The following PRELID2 variants were observed in gnomAD, a reference collection of about 807,000 sequenced individuals.
The protein encoded by PRELID2 is PRELI domain containing 2, also known as PRELI domain-containing protein 2.
In PRELID2, 25 loss-of-function variants were observed where a neutral mutation model predicts 28.4. The observed-to-expected ratio is 0.88, with a 90% CI of 0.64 to 1.23. The LOEUF (loss-of-function observed/expected upper bound fraction) is 1.23, where lower values mean the gene tolerates loss of function less well. Among genes scored for constraint, PRELID2 ranks in the 50% most tolerant of loss-of-function variants. PRELID2 has a pLI of 0.00. For synonymous variants in PRELID2, 76 were observed against 71.6 expected (o/e 1.06, Z -0.31); for missense variants, 201 against 214.4 (o/e 0.94, Z 0.39).
chr5:145,328,565 T>G, the PRELID2 span, among the ~76,000 whole-genome samples: 42,170 of 152,044 alleles, frequency 0.28, 5,980 homozygotes, highest in South Asian at 0.35. Context: ...ATGTTTATTG[T>G]CCACATAAAT....
At chr5:145,754,935 G>A (rs887993661), downstream of PRELID2, among the ~76,000 whole-genome samples, 2 of 152,126 alleles carry the variant, frequency 1.3e-5, no homozygotes, top group African/African-American at 4.8e-5. Context: ...ATATAATTCT[G>A]ACTGAAAAAT....
chr5:145,501,924 T>G (rs1181608235), intron 1 of PRELID2, among the ~76,000 whole-genome samples: 1 of 152,206 alleles, frequency 6.6e-6, no homozygotes, highest in Admixed American at 6.5e-5. Context: ...TTGTCCTCTA[T>G]GTATTGCTGA....
At chr5:145,288,843 A>G in the PRELID2 span, among the ~76,000 whole-genome samples, 3 of 152,236 alleles carry the variant, frequency 2.0e-5, no homozygotes, top group East Asian at 1.9e-4. Context: ...TTACTCTAAC[A>G]ATGAGAAACC....
At chr5:145,738,293 T>G (rs934905657) in intron 1 of PRELID2, among the ~76,000 whole-genome samples, 1 of 152,048 alleles carries the variant, frequency 6.6e-6, no homozygotes, top group African/African-American at 2.4e-5. Flanking sequence ...TCAATAAAAA[T>G]ATCACTCATA....
chr5:145,424,603 G>A, the PRELID2 span, among the ~76,000 whole-genome samples: 51 of 152,132 alleles, frequency 3.4e-4, no homozygotes, highest in East Asian at 3.1e-3. Context: ...GCTCGCGCAC[G>A]GTGCGCGCAC....
At chr5:145,763,138 C>T (rs1256456795) in intron 6 of PRELID2, among the ~76,000 whole-genome samples, 2 of 152,204 alleles carry the variant, frequency 1.3e-5, no homozygotes, top group Non-Finnish European at 2.9e-5. Context: ...GTATACCTTT[C>T]CCATGGAAAT....
chr5:145,400,922 CAAT>C, the PRELID2 span, among the ~76,000 whole-genome samples: 2 of 152,126 alleles, frequency 1.3e-5, no homozygotes, highest in African/African-American at 4.8e-5. Context: ...CCATTTTTCC[CAAT>C]AATAGGAAAG....
intron 1 of PRELID2, among the ~76,000 whole-genome samples, chr5:145,667,700 C>T (rs964784513): frequency 6.6e-6 from 1 of 152,026 alleles, no homozygotes; most frequent in Admixed American, 6.6e-5. Context: ...ACCTGCTAAC[C>T]AGTCACTTAG....
chr5:145,530,694 G>A (rs750133670), intron 1 of PRELID2, among the ~76,000 whole-genome samples: 6 of 152,064 alleles, frequency 3.9e-5, no homozygotes, highest in African/African-American at 7.2e-5. Flanking sequence ...TGAAGTAGAG[G>A]TCACTGAAGC....
chr5:145,239,178 T>C, the PRELID2 span, among the ~76,000 whole-genome samples: 1 of 152,110 alleles, frequency 6.6e-6, no homozygotes, highest in South Asian at 2.1e-4. Context: ...AGCTATCTCA[T>C]TAAATGTTTA....
chr5:145,782,970 C>T (rs1751733480), intron 5 of PRELID2, among the ~76,000 whole-genome samples: 1 of 152,248 alleles, frequency 6.6e-6, no homozygotes, highest in African/African-American at 2.4e-5. Context: ...GCTCAAGCAA[C>T]ACAGCCCTCA....
chr5:145,819,819 AG>A, intron 3 of PRELID2, 125 bp downstream of exon 3: 1 of 708,822 alleles, frequency 1.4e-6, no homozygotes, highest in Non-Finnish European at 2.5e-6. Context: ...CTTCCTCAGA[AG>A]GTTCTGAGGT....
chr5:145,316,270 G>A, the PRELID2 span, among the ~76,000 whole-genome samples: 1 of 152,174 alleles, frequency 6.6e-6, no homozygotes, highest in Non-Finnish European at 1.5e-5. Flanking sequence ...AGTTAATCAT[G>A]CAGAGCACAA....
the PRELID2 span, among the ~76,000 whole-genome samples, chr5:145,290,269 T>TA: frequency 6.6e-6 from 1 of 152,172 alleles, no homozygotes; most frequent in Admixed American, 6.5e-5. Flanking sequence ...CAAAGGATTA[T>TA]AAATCATGCT....
At chr5:145,540,931 T>C (rs976736205) in intron 1 of PRELID2, among the ~76,000 whole-genome samples, 2 of 151,996 alleles carry the variant, frequency 1.3e-5, no homozygotes, top group Admixed American at 6.6e-5. Context: ...GCATAGAGGC[T>C]ACGTTTTCAG....
chr5:145,254,611 C>T, the PRELID2 span, among the ~76,000 whole-genome samples: 1 of 152,052 alleles, frequency 6.6e-6, no homozygotes, highest in Non-Finnish European at 1.5e-5. Flanking sequence ...GGGCCTTACA[C>T]TGAGCTTGAA....
the PRELID2 span, among the ~76,000 whole-genome samples, chr5:145,231,631 G>C: frequency 1.3e-5 from 2 of 152,114 alleles, no homozygotes; most frequent in East Asian, 3.8e-4. Context: ...TGCTTCACAG[G>C]ATATGCTAAC....
intron 1 of PRELID2, among the ~76,000 whole-genome samples, chr5:145,570,720 A>G (rs1322191129): frequency 6.6e-6 from 1 of 152,128 alleles, no homozygotes; most frequent in African/African-American, 2.4e-5. Context: ...CACTCTTACA[A>G]CAGCTTCCTA....
the PRELID2 span, among the ~76,000 whole-genome samples, chr5:145,269,360 T>G: frequency 6.6e-6 from 1 of 152,068 alleles, no homozygotes; most frequent in Non-Finnish European, 1.5e-5. Flanking sequence ...GCCAAATGAT[T>G]TTTGACAAGG....
Sources: gnomAD v4.1 joint callset for allele counts (sites outside exome capture counted in the v4.1 genomes callset) on GRCh38, gnomAD v4.1.1 for gene constraint, MANE v1.5 for transcripts, NCBI Gene and HGNC (gene_info 2026-07-23, HGNC 2026-07-21) for gene names.